The following MNDA variants were observed in gnomAD, a reference collection of about 807,000 sequenced individuals.
The protein encoded by MNDA is epididymis secretory sperm binding protein.
Under a neutral mutation model 37.8 loss-of-function variants are expected in MNDA, and 43 were observed. The observed-to-expected ratio is 1.14, with a 90% confidence interval of 0.89 to 1.47. The LOEUF (loss-of-function observed/expected upper bound fraction) is 1.47. Among genes scored for constraint, MNDA ranks in the 40% most tolerant of loss-of-function variants. MNDA has a pLI of 0.00. For missense variants in MNDA, 536 were observed against 476.0 expected, an observed-to-expected ratio of 1.13 and a Z score of -1.17; for synonymous variants, 181 against 169.0, an observed-to-expected ratio of 1.07 and a Z score of -0.55.
At chr1:158,840,251 C>T (rs1252917542) in intron 1 of MNDA, among the ~76,000 whole-genome samples, 5 of 152,022 alleles carry the variant, frequency 3.3e-5, no homozygotes, top group South Asian at 4.1e-4. Context: ...TTCCTTCTCA[C>T]GCTGCTATGA....
intron 4 of MNDA, 62 bp from the exon 5 acceptor site, chr1:158,845,517 GGCGTGAGC>G (rs1232279828): frequency 1.6e-5 from 24 of 1,485,446 alleles, no homozygotes; most frequent in Non-Finnish European, 2.2e-5. Context: ...TAGGATTACA[GGCGTGAGC>G]CACCGCGCCC....
intron 1 of MNDA, among the ~76,000 whole-genome samples, chr1:158,840,268 A>T (rs1223632409): frequency 6.6e-6 from 1 of 152,174 alleles, no homozygotes; most frequent in Non-Finnish European, 1.5e-5. Context: ...ATGAAGAAAT[A>T]CCTGAGACTG....
chr1:158,848,544 G>A (rs543527389), intron 6 of MNDA, among the ~76,000 whole-genome samples: 1 of 152,054 alleles, frequency 6.6e-6, no homozygotes, highest in East Asian at 1.9e-4. Flanking sequence ...GGACTACTGA[G>A]GCCCAAAGAT....
chr1:158,846,105 A>G, intron 5 of MNDA, 102 bp downstream of exon 5: 1 of 1,114,720 alleles, frequency 9.0e-7, no homozygotes, highest in Non-Finnish European at 1.3e-6. Flanking sequence ...AAGAATTTAT[A>G]TTGACTAGAG....
chr1:158,840,512 A>T (rs1558055940), intron 1 of MNDA, among the ~76,000 whole-genome samples: 1 of 152,162 alleles, frequency 6.6e-6, no homozygotes, highest in African/African-American at 2.4e-5. Context: ...TAGCCAAACC[A>T]TATCAGCCAC....
chr1:158,842,645 C>A, intron 2 of MNDA: 1 of 372,138 alleles, frequency 2.7e-6, no homozygotes, highest in South Asian at 9.7e-5. Flanking sequence ...GGATAAAAAA[C>A]CAAAGACAGG....
Position 158,843,472 on chromosome 1 carries a change from C to T in MNDA, c.402+57C>T. The T allele has an allele frequency of 2.0e-6, 3 of 1,482,178 alleles. No individual in the cohort carries two copies. The South Asian group carries it at 4.1e-5, about 20-fold the overall frequency. The allele number at this position is 1,482,178 out of a possible 1,614,324, so 91.8% of individuals were successfully genotyped here. A position where few individuals can be genotyped will look rare whatever the true frequency, so the allele number is the denominator to read the frequency against. ...CCTCACAGAAGATACTCTGCTATGG[C>T]ACGTGGCTCTTTACTAATATCTCAA... is the stretch of plus-strand genomic sequence containing the variant. On this transcript the variant is annotated intron_variant, in intron 3 of 6. Coordinates refer to ENST00000368141, the MANE Select transcript of MNDA (RefSeq NM_002432.3).
In MNDA at chr1:158,842,407, A is replaced by G. The variant is rs1289639008; in HGVS notation, c.254A>G (p.Glu85Gly). The G allele has an allele frequency of 4.3e-6, 7 of 1,611,162 alleles. No individual in the cohort carries two copies. Among genetic ancestry groups the G allele is most frequent in the Non-Finnish European group, 8.5e-7 (1 of 1,179,000 alleles). ...AACCTTGTTAACAATCTTCGAAAAGAGAAGTCAAAAGGTAATAGAGAAAAC... is the reference window on the plus strand; with the variant it reads ...AACCTTGTTAACAATCTTCGAAAAGGGAAGTCAAAAGGTAATAGAGAAAAC... ...LKNLVNNLRK[E>G]KSKVAKKIKT... is the part of the protein sequence containing the mutation. Residue 85 changes from glutamate (E) to glycine (G), a missense_variant, in exon 2 of 7, where the codon GAG becomes GGG. Coordinates refer to ENST00000368141, the MANE Select transcript of MNDA (RefSeq NM_002432.3).
rs747958545 is a variant in MNDA, at chr1:158,842,124, T to C, written c.-20-10T>C. The C allele has an allele frequency of 6.4e-7, 1 of 1,571,080 alleles. No individual in the cohort carries two copies. The highest frequency in any genetic ancestry group is 1.2e-5 in the South Asian group (1 of 85,532). ...AATGTGTAATGTTGTGTGTCATTTT[T>C]ACTTTATAGGCCAAGCTATAACATC... is the stretch of plus-strand genomic sequence containing the variant. On this transcript the variant is annotated splice_polypyrimidine_tract_variant and intron_variant, in intron 1 of 6. Transcript: ENST00000368141.
At chr1:158,838,227 T>C (rs1161207868) in intron 1 of MNDA, among the ~76,000 whole-genome samples, 5 of 152,046 alleles carry the variant, frequency 3.3e-5, no homozygotes, top group Non-Finnish European at 7.4e-5. Context: ...ATCCTTGTGT[T>C]TCAGCTTGAA....
At chr1:158,837,017 T>C (rs1349215447) in intron 1 of MNDA, among the ~76,000 whole-genome samples, 1 of 151,850 alleles carries the variant, frequency 6.6e-6, no homozygotes, top group Non-Finnish European at 1.5e-5. Context: ...CTAGTTTTCT[T>C]TCTGTTGATT....
At chr1:158,834,360 G>A (rs1354438967) in intron 1 of MNDA, among the ~76,000 whole-genome samples, 1 of 150,834 alleles carries the variant, frequency 6.6e-6, no homozygotes, top group Non-Finnish European at 1.5e-5. Context: ...AGCCTCCCAT[G>A]TAGCTGGGAC....
intron 4 of MNDA, among the ~76,000 whole-genome samples, 189 bp downstream of exon 4, chr1:158,844,311 A>C (rs1426227554): frequency 6.6e-6 from 1 of 151,676 alleles, no homozygotes; most frequent in Non-Finnish European, 1.5e-5. Flanking sequence ...AATTACCTAC[A>C]GGTAATCACT....
intron 1 of MNDA, 51 bp from the exon 2 acceptor site, chr1:158,842,083 T>A: frequency 1.3e-6 from 2 of 1,483,474 alleles, no homozygotes; most frequent in Non-Finnish European, 9.1e-7. Flanking sequence ...TCTCATTTTT[T>A]AAAATTGTCT....
rs867565996 is a variant in MNDA, at chr1:158,844,117, AC to A, written c.566del (p.Thr189IlefsTer24). ...SSSTPSNTSF[T>X]PNQETQAQRQ... ...ATCAACTCCATCCAACACTTCGTTT[AC>A]TCCGGTACACTCTTCCTGGTCCTCT... On this transcript the variant is annotated frameshift_variant, in exon 4 of 7. Coordinates refer to ENST00000368141, the MANE Select transcript of MNDA (RefSeq NM_002432.3). LOFTEE classifies it high-confidence loss of function. 2 of 1,561,154 alleles carry A rather than the reference AC, an allele frequency of 1.3e-6. No individual in the cohort carries two copies. The highest frequency in any genetic ancestry group is 1.7e-6 in the Non-Finnish European group (2 of 1,154,080).
At chr1:158,842,681 G>T in intron 2 of MNDA, 4 of 278,564 alleles carry the variant, frequency 1.4e-5, no homozygotes, top group East Asian at 6.3e-5. Flanking sequence ...GAGTGTTTCA[G>T]TAAATCAAAA....
rs367827105 is a variant in MNDA at position 158,845,813 on chromosome 1, T to A, written c.797T>A (p.Ile266Asn). 6.3e-5 allele frequency: 102 copies of A among 1,614,030 alleles called. No homozygotes were observed. Among genetic ancestry groups the A allele is most frequent in the Non-Finnish European group, 7.6e-5 (90 of 1,180,018 alleles). Residue 266 changes from isoleucine to asparagine, a missense_variant, in exon 5 of 7, where the codon ATT becomes AAT. Physicochemically the swap from Ile to Asn is moderately radical, Grantham distance 149. Transcript: ENST00000368141. The stretch of plus-strand genomic sequence containing the variant: ...GAGAAATTTGTAAGGAAGAAGGTCA[T>A]TACCATATCTGATTACTCTGAATGT... ...LKEKFVRKKVITISDYSECKG... is the reference protein window; with the variant it reads ...LKEKFVRKKVNTISDYSECKG...
intron 5 of MNDA, among the ~76,000 whole-genome samples, chr1:158,847,368 T>C (rs1234951236): frequency 6.6e-6 from 1 of 152,176 alleles, no homozygotes; most frequent in Non-Finnish European, 1.5e-5. Context: ...GAATGAATAA[T>C]TGTAGAAAGC....
At position 158,831,410 on chromosome 1, in the gene MNDA, C is replaced by T. The variant is rs1658800791; in HGVS notation, c.-168C>T. 1 of 152,180 alleles carries T rather than the reference C, an allele frequency of 6.6e-6. No homozygotes were observed. The highest frequency in any genetic ancestry group is 2.1e-4 in the South Asian group (1 of 4,838). 9.4% of individuals were successfully genotyped at this position (152,180 alleles called of 1,614,324 possible). A position where few individuals can be genotyped will look rare whatever the true frequency, so the allele number is the denominator to read the frequency against. On this transcript the variant is annotated 5_prime_UTR_variant, in exon 1 of 7. Transcript: ENST00000368141. The stretch of plus-strand genomic sequence containing the variant: ...GTGGCTCTAACAAGTGCCATTTTTC[C>T]TTGTTAGCTTTCATTTCTCAGCCCT...
Sources: gnomAD v4.1 joint callset for allele counts (sites outside exome capture counted in the v4.1 genomes callset) on GRCh38, gnomAD v4.1.1 for gene constraint, MANE v1.5 for transcripts, NCBI Gene and HGNC (gene_info 2026-07-23, HGNC 2026-07-21) for gene names.